Variants in UROC1 observed in about 807,000 individuals in gnomAD.
UROC1 encodes urocanate hydratase.
A neutral mutation model predicts 89.5 loss-of-function variants in UROC1; 79 were observed. The ratio of observed to expected loss-of-function variants is 0.88; its 90% confidence interval spans 0.74 to 1.06. The LOEUF (loss-of-function observed/expected upper bound fraction) is 1.06. Ranked by LOEUF, UROC1 falls within the 50% of genes least tolerant of loss-of-function variation. UROC1 has a pLI of 0.00. For missense variants in UROC1, 885 were observed against 907.8 expected, an observed-to-expected ratio of 0.97 and a Z score of 0.32; for synonymous variants, 361 against 354.8, an observed-to-expected ratio of 1.02 and a Z score of -0.20.
Position 126,500,118 on chromosome 3 carries a change from G to A in UROC1, c.1182C>T (p.Ala394=), listed in dbSNP as rs367924965. Residue 394 remains alanine (A), a synonymous_variant, in exon 12 of 20, where the codon GCC becomes GCT. Coordinates refer to ENST00000290868, the MANE Select transcript of UROC1 (RefSeq NM_144639.3). The part of the protein sequence containing the change: ...RRQVSAINRL[A]EEKFFFWDYG... ...AGTCCCAGAAGAAGAACTTCTCCTC[G>A]GCCAACCTGTTGATGGCTGAGACTT... 7 of 1,613,902 alleles carry A rather than the reference G, an allele frequency of 4.3e-6. No homozygotes were observed. Among genetic ancestry groups the A allele is most frequent in the African/African-American group, 1.3e-5 (1 of 75,040 alleles).
intron 15 of UROC1, among the ~76,000 whole-genome samples, chr3:126,494,455 C>T (rs1408446457): frequency 2.0e-5 from 3 of 152,198 alleles, no homozygotes; most frequent in African/African-American, 2.4e-5. Flanking sequence ...GCATCTCTGA[C>T]TCAGCACCGT....
At chr3:126,506,862 G>A (rs1418881469) in intron 6 of UROC1, among the ~76,000 whole-genome samples, 1 of 152,190 alleles carries the variant, frequency 6.6e-6, no homozygotes, top group African/African-American at 2.4e-5. Context: ...CGGATCAACT[G>A]AGGTCAGCGG....
In UROC1 at chr3:126,487,533, C is replaced by T. The variant is rs573991298; in HGVS notation, c.1790+665G>A. On this transcript the variant is annotated intron_variant, in intron 18 of 19. Coordinates refer to ENST00000290868, the MANE Select transcript of UROC1 (RefSeq NM_144639.3). The stretch of plus-strand genomic sequence containing the variant: ...CTGGAGGGCAGGGGACCACTAGATC[C>T]GGCCAAAATAGGCTCAGAGGCCAGT... Among the ~76,000 whole-genome samples, 285 of 152,208 alleles carry T rather than the reference C, an allele frequency of 1.9e-3. 3 individuals are homozygous for T. Among genetic ancestry groups the T allele is most frequent in the Non-Finnish European group, 1.1e-3 (76 of 68,006 alleles).
chr3:126,493,444 G>A (rs1935701988), intron 15 of UROC1, among the ~76,000 whole-genome samples: 1 of 152,214 alleles, frequency 6.6e-6, no homozygotes, highest in Non-Finnish European at 1.5e-5. Flanking sequence ...TTAAAAGGAA[G>A]GAAATTCCAA....
chr3:126,513,389 G>A (rs72979996), intron 1 of UROC1, among the ~76,000 whole-genome samples: 16,361 of 152,272 alleles, frequency 0.11, 1,245 homozygotes, highest in African/African-American at 0.22. Context: ...CCGAGGATAC[G>A]TTGACAGCCA....
intron 9 of UROC1, chr3:126,502,027 G>A (rs1935934902): frequency 7.0e-7 from 1 of 1,436,054 alleles, no homozygotes; most frequent in East Asian, 2.4e-5. Flanking sequence ...GTGGCAGACA[G>A]GTTGCTCGAG....
intron 13 of UROC1, 87 bp from the exon 14 acceptor site, chr3:126,498,259 C>T (rs1426441251): frequency 1.2e-6 from 2 of 1,607,128 alleles, no homozygotes; most frequent in Admixed American, 3.3e-5. Flanking sequence ...GAGGAGGGCT[C>T]AGCATCCAGA....
chr3:126,510,819 G>T, intron 1 of UROC1, 25 bp from the exon 2 acceptor site: 2 of 1,608,936 alleles, frequency 1.2e-6, no homozygotes, highest in Non-Finnish European at 1.7e-6. Flanking sequence ...CGGAGAGGCA[G>T]TCGGGGCTGG....
chr3:126,487,290 G>C (rs1935541012), intron 18 of UROC1, among the ~76,000 whole-genome samples: 1 of 152,200 alleles, frequency 6.6e-6, no homozygotes, highest in Non-Finnish European at 1.5e-5. Flanking sequence ...TTCCCCTCCG[G>C]AAATGACTCA....
rs776533612 is a variant in UROC1 at position 126,496,020 on chromosome 3, C to G, written c.1509+18G>C. 2.5e-6 allele frequency: 4 copies of G among 1,611,378 alleles called. No individual in the cohort carries two copies. The highest frequency in any genetic ancestry group is 1.7e-5 in the Admixed American group (1 of 59,846). ...GACAGCACAGCCACCCCAGCCTCCC[C>G]CAGGCCTGGGCCCTCACCAGCCGGT... is the stretch of plus-strand genomic sequence containing the variant. On this transcript the variant is annotated intron_variant, in intron 15 of 19. Transcript: ENST00000290868.
At chr3:126,485,266 CT>C (rs1233136164) in intron 18 of UROC1, among the ~76,000 whole-genome samples, 2 of 152,230 alleles carry the variant, frequency 1.3e-5, no homozygotes, top group Non-Finnish European at 2.9e-5. Flanking sequence ...CTCTTCACCC[CT>C]AGCCTACAAG....
chr3:126,496,200 C>T (rs981129222), intron 14 of UROC1, 92 bp from the exon 15 acceptor site: 47 of 1,301,950 alleles, frequency 3.6e-5, no homozygotes, highest in Admixed American at 1.4e-4. Flanking sequence ...GACCCTGCCC[C>T]GAGCCCACCA....
chr3:126,501,395 G>C (rs1368606413), intron 9 of UROC1, 115 bp from the exon 10 acceptor site: 1 of 1,245,242 alleles, frequency 8.0e-7, no homozygotes, highest in Non-Finnish European at 1.2e-6. Flanking sequence ...CAGAGGTGTT[G>C]TGTGCAAACG....
chr3:126,499,503 G>C (rs538894256), intron 12 of UROC1, 94 bp from the exon 13 acceptor site: 1 of 1,228,630 alleles, frequency 8.1e-7, no homozygotes, highest in African/African-American at 1.5e-5. Flanking sequence ...GGGAGGCTGG[G>C]GAAGGATGCA....
intron 1 of UROC1, among the ~76,000 whole-genome samples, chr3:126,512,008 T>A (rs2107550903): frequency 6.6e-6 from 1 of 152,378 alleles, no homozygotes. Flanking sequence ...TTTTGTTTAA[T>A]ACTTCATCCT....
chr3:126,494,242 T>A (rs1042396113), intron 15 of UROC1, among the ~76,000 whole-genome samples: 1 of 152,170 alleles, frequency 6.6e-6, no homozygotes, highest in South Asian at 2.1e-4. Context: ...AGGCACACGA[T>A]CTCCAGGGGA....
chr3:126,488,601 C>A (rs1364980915), intron 17 of UROC1, among the ~76,000 whole-genome samples: 1 of 152,168 alleles, frequency 6.6e-6, no homozygotes, highest in African/African-American at 2.4e-5. Context: ...AAGTAGAGTG[C>A]CAAAGAGAGT....
At chr3:126,494,335 C>A (rs1046552211) in intron 15 of UROC1, among the ~76,000 whole-genome samples, 1 of 152,170 alleles carries the variant, frequency 6.6e-6, no homozygotes, top group Admixed American at 6.5e-5. Flanking sequence ...GCACCTCCCA[C>A]GGCCCCTTCT....
At chr3:126,514,428 T>G (rs971203934) in intron 1 of UROC1, among the ~76,000 whole-genome samples, 1 of 152,166 alleles carries the variant, frequency 6.6e-6, no homozygotes, top group South Asian at 2.1e-4. Flanking sequence ...GACTGAAGTT[T>G]CCCTGTGCAT....
Sources: allele counts gnomAD v4.1 joint callset (sites outside exome capture counted in the v4.1 genomes callset), GRCh38; gene constraint gnomAD v4.1.1; transcripts MANE v1.5; gene names NCBI Gene and HGNC (gene_info 2026-07-23, HGNC 2026-07-21).